The following TMEM117 variants were observed in gnomAD, a reference collection of about 807,000 sequenced individuals.
TMEM117 encodes the protein transmembrane protein 117.
TMEM117 carries 27 observed loss-of-function variants against 52.4 expected under a neutral mutation model. That is an observed-to-expected ratio of 0.51 (90% confidence interval 0.38 to 0.71). The LOEUF (loss-of-function observed/expected upper bound fraction) is 0.71, where lower values mean the gene tolerates loss of function less well. TMEM117 is among the 30% of genes least tolerant of loss of function. TMEM117 has a pLI of 0.00. For synonymous variants in TMEM117, 215 were observed against 206.3 expected (o/e 1.04, Z -0.36); for missense variants, 556 against 630.5 (o/e 0.88, Z 1.26).
intron 3 of TMEM117, among the ~76,000 whole-genome samples, chr12:44,036,660 T>C (rs995982669): frequency 1.3e-5 from 2 of 152,202 alleles, no homozygotes; most frequent in Non-Finnish European, 2.9e-5. Context: ...TGTTTGTAGT[T>C]TTCTTGCCAT....
chr12:43,838,352 A>G (rs1487171728), intron 1 of TMEM117, among the ~76,000 whole-genome samples: 1 of 151,372 alleles, frequency 6.6e-6, no homozygotes, highest in Non-Finnish European at 1.5e-5. Flanking sequence ...CCCCACCCCC[A>G]CATCCCCATA....
intron 5 of TMEM117, among the ~76,000 whole-genome samples, chr12:44,261,772 C>G (rs1950323234): frequency 6.6e-6 from 1 of 152,186 alleles, no homozygotes; most frequent in Non-Finnish European, 1.5e-5. Context: ...GAAACCTTCA[C>G]ATGCGCAGCA....
chr12:44,191,219 C>T (rs1024187815), intron 4 of TMEM117, among the ~76,000 whole-genome samples: 11 of 151,872 alleles, frequency 7.2e-5, no homozygotes, highest in Non-Finnish European at 1.2e-4. Context: ...CTCACTATCA[C>T]GAGAGCAGGA....
In TMEM117 at chr12:43,890,906, A is replaced by G. The variant is rs549212382; in HGVS notation, c.277+45978A>G. Among the ~76,000 whole-genome samples the G allele has an allele frequency of 5.3e-5, 8 of 152,260 alleles. No homozygotes were observed. The South Asian group carries it at 1.7e-3, about 32-fold the overall frequency. Reference sequence around the variant, plus strand: ...AGTTCACTTAGATGTCATGTTATATATATTCTAAAAGTATTTTAAAAATTC... The same window carrying G: ...AGTTCACTTAGATGTCATGTTATATGTATTCTAAAAGTATTTTAAAAATTC... On this transcript the variant is annotated intron_variant, in intron 2 of 7. Transcript: ENST00000266534.
rs561085055 is a variant in TMEM117 at position 43,929,105 on chromosome 12, T to C, written c.278-15105T>C. Among the ~76,000 whole-genome samples the C allele has an allele frequency of 1.2e-3, 176 of 152,112 alleles. 1 individual carries two copies. The highest frequency in any genetic ancestry group is 3.9e-3 in the African/African-American group (160 of 41,508). On this transcript the variant is annotated intron_variant, in intron 2 of 7. Coordinates refer to ENST00000266534, the MANE Select transcript of TMEM117 (RefSeq NM_032256.3). ...CATGATTTATAGTCCTTTGGGTATA[T>C]ACCCAGTAATGGGATGGCTGGGTCA...
At chr12:44,057,935 T>TAC (rs1168181785) in intron 3 of TMEM117, among the ~76,000 whole-genome samples, 2 of 152,244 alleles carry the variant, frequency 1.3e-5, no homozygotes, top group African/African-American at 2.4e-5. Flanking sequence ...CTAATACCCG[T>TAC]ACAGGCTTCA....
chr12:44,037,671 T>G (rs1946732097), intron 3 of TMEM117, among the ~76,000 whole-genome samples: 1 of 152,146 alleles, frequency 6.6e-6, no homozygotes, highest in Admixed American at 6.5e-5. Context: ...TAGTACGCAC[T>G]TCCTCTTCTT....
chr12:44,080,726 A>G (rs775672662), intron 3 of TMEM117, among the ~76,000 whole-genome samples: 1 of 152,186 alleles, frequency 6.6e-6, no homozygotes, highest in Non-Finnish European at 1.5e-5. Flanking sequence ...TTATGACCCA[A>G]TGAAGATGAT....
At chr12:43,797,796 G>A in the TMEM117 span, 1 of 1,613,302 alleles carries the variant, frequency 6.2e-7, no homozygotes, top group Non-Finnish European at 8.5e-7. Context: ...TCCTTGTAGT[G>A]TTTGATGCTT....
chr12:43,806,697 G>A, the TMEM117 span, among the ~76,000 whole-genome samples: 1 of 152,106 alleles, frequency 6.6e-6, no homozygotes, highest in African/African-American at 2.4e-5. Context: ...ATTTTTCTTG[G>A]TTTACTCTTC....
At chr12:43,824,243 T>C in the TMEM117 span, among the ~76,000 whole-genome samples, 5 of 152,342 alleles carry the variant, frequency 3.3e-5, no homozygotes, top group African/African-American at 4.8e-5. Context: ...CGAGGTGGCA[T>C]TGCTTTCTCC....
chr12:44,335,327 G>A (rs1164671378), intron 6 of TMEM117, among the ~76,000 whole-genome samples: 1 of 152,008 alleles, frequency 6.6e-6, no homozygotes, highest in Non-Finnish European at 1.5e-5. Context: ...TACAACAGAT[G>A]AACTAAGTCT....
At chr12:44,287,794 A>G (rs1343543060) in intron 5 of TMEM117, among the ~76,000 whole-genome samples, 1 of 152,228 alleles carries the variant, frequency 6.6e-6, no homozygotes, top group Non-Finnish European at 1.5e-5. Flanking sequence ...TATATGTTAC[A>G]TAATTTATAA....
intron 2 of TMEM117, among the ~76,000 whole-genome samples, chr12:43,940,598 A>G (rs1283091026): frequency 6.6e-6 from 1 of 151,778 alleles, no homozygotes; most frequent in Non-Finnish European, 1.5e-5. Context: ...CTGGAGTGCA[A>G]TGGTGTGATC....
At chr12:43,916,855 C>A (rs1010839888) in intron 2 of TMEM117, among the ~76,000 whole-genome samples, 1 of 152,120 alleles carries the variant, frequency 6.6e-6, no homozygotes, top group Non-Finnish European at 1.5e-5. Flanking sequence ...ATCTAGGCTT[C>A]TTTTCTGATG....
At chr12:43,916,116 C>A (rs4768544) in intron 2 of TMEM117, among the ~76,000 whole-genome samples, 123,765 of 152,054 alleles carry the variant, frequency 0.81, 51,810 homozygotes, top group Non-Finnish European at 0.91. Context: ...TTCAAATCCA[C>A]CAGAAGAGGG....
chr12:44,012,356 A>G (rs1329721378), intron 3 of TMEM117, among the ~76,000 whole-genome samples: 1 of 147,706 alleles, frequency 6.8e-6, no homozygotes, highest in Non-Finnish European at 1.5e-5. Context: ...ATTTGGAAAA[A>G]TTCTCAGTCA....
rs201018154 is a variant in TMEM117, at chr12:44,339,376, A to G, written c.769-37219A>G. On this transcript the variant is annotated intron_variant, in intron 6 of 7. Coordinates refer to ENST00000266534, the MANE Select transcript of TMEM117 (RefSeq NM_032256.3). ...ATGGCCCTGATTGCAATGATCTACA[A>G]CATCCACCATATTATATTCCCTACA... Among the ~76,000 whole-genome samples, 28 of 152,138 alleles carry G rather than the reference A, an allele frequency of 1.8e-4. 1 individual carries two copies. The East Asian group carries it at 5.1e-3, about 27-fold the overall frequency.
At chr12:43,991,910 G>C (rs1318437880) in intron 3 of TMEM117, among the ~76,000 whole-genome samples, 1 of 152,074 alleles carries the variant, frequency 6.6e-6, no homozygotes, top group Non-Finnish European at 1.5e-5. Context: ...TGAACTTAAT[G>C]CAAGTTTGGG....
Sources: allele counts gnomAD v4.1 joint callset (sites outside exome capture counted in the v4.1 genomes callset), GRCh38; gene constraint gnomAD v4.1.1; transcripts MANE v1.5; gene names NCBI Gene and HGNC (gene_info 2026-07-23, HGNC 2026-07-21).